The following GNG7 variants were observed in gnomAD, a reference collection of about 807,000 sequenced individuals.
The protein encoded by GNG7 is guanine nucleotide-binding protein G(I)/G(S)/G(O) subunit gamma-7.
Under a neutral mutation model 4.0 loss-of-function variants are expected in GNG7, and 1 was observed. The observed-to-expected ratio is 0.25, with a 90% confidence interval of 0.09 to 1.18. The LOEUF (loss-of-function observed/expected upper bound fraction) is 1.18. GNG7 is among the 50% of genes most tolerant of loss of function. The pLI, the probability that GNG7 is intolerant of heterozygous loss-of-function variation, is 0.50. For missense variants in GNG7, 86 were observed against 91.9 expected, an observed-to-expected ratio of 0.94 and a Z score of 0.26; for synonymous variants, 34 against 36.9, an observed-to-expected ratio of 0.92 and a Z score of 0.29.
At chr19:2,598,594 T>C (rs1380822151) in intron 2 of GNG7, among the ~76,000 whole-genome samples, 1 of 151,458 alleles carries the variant, frequency 6.6e-6, no homozygotes, top group South Asian at 2.1e-4. Context: ...GAGGCAGAGC[T>C]TGCAGTGAGC....
chr19:2,532,530 GGAGA>G (rs929456912), intron 3 of GNG7, among the ~76,000 whole-genome samples: 25 of 152,148 alleles, frequency 1.6e-4, no homozygotes, highest in African/African-American at 6.0e-4. Flanking sequence ...ACCAGAAGGA[GGAGA>G]GAGAGAATGA....
At chr19:2,516,268 T>C (rs1395100433) in intron 4 of GNG7, among the ~76,000 whole-genome samples, 1 of 151,980 alleles carries the variant, frequency 6.6e-6, no homozygotes, top group Non-Finnish European at 1.5e-5. Context: ...TTTCCCAAAA[T>C]TAAAAAAAGA....
intron 2 of GNG7, among the ~76,000 whole-genome samples, chr19:2,578,947 G>T (rs1980420759): frequency 6.6e-6 from 1 of 152,268 alleles, no homozygotes; most frequent in Non-Finnish European, 1.5e-5. Context: ...CCCCGGCATG[G>T]AAAACCACCA....
intron 2 of GNG7, among the ~76,000 whole-genome samples, chr19:2,586,849 G>T (rs1042980878): frequency 1.4e-4 from 22 of 151,938 alleles, no homozygotes; most frequent in Non-Finnish European, 2.5e-4. Flanking sequence ...GCCGGGTGTG[G>T]TGTCACGTGC....
intron 2 of GNG7, among the ~76,000 whole-genome samples, chr19:2,637,217 C>CCA (rs386388382): frequency 8.6e-5 from 13 of 151,892 alleles, no homozygotes; most frequent in African/African-American, 2.4e-4. Context: ...CAGGCTCCCC[C>CCA]CGCCCCCGAG....
intron 1 of GNG7, 114 bp downstream of exon 1, chr19:2,702,532 A>T (rs922707638): frequency 7.2e-6 from 1 of 138,208 alleles, no homozygotes; most frequent in African/African-American, 2.7e-5. Flanking sequence ...CCCCCTCCTC[A>T]GCCGACTCCG....
intron 2 of GNG7, among the ~76,000 whole-genome samples, chr19:2,570,761 G>C (rs1267159885): frequency 6.6e-6 from 1 of 152,112 alleles, no homozygotes. Flanking sequence ...ATTCACACAA[G>C]GAAACAAAAC....
intron 2 of GNG7, among the ~76,000 whole-genome samples, chr19:2,619,656 G>C (rs964501433): frequency 3.9e-5 from 6 of 152,188 alleles, no homozygotes; most frequent in African/African-American, 1.4e-4. Context: ...TCTATGAAAG[G>C]AGCCAGAGAC....
Position 2,645,364 on chromosome 19 carries a change from G to A in GNG7, c.-78+860C>T, listed in dbSNP as rs913128473. 2.0e-5 allele frequency among the ~76,000 whole-genome samples: 3 copies of A among 151,022 alleles called. 1 individual carries two copies. Among genetic ancestry groups the A allele is most frequent in the South Asian group, 4.2e-4 (2 of 4,778 alleles). ...AGTGATTCTCGCACCTCAGCCTCCC[G>A]AGTAGCTTGGACTCTAGGCACCTGC... is the stretch of plus-strand genomic sequence containing the variant. On this transcript the variant is annotated intron_variant, in intron 2 of 4. Coordinates refer to ENST00000382159, the MANE Select transcript of GNG7 (RefSeq NM_052847.3).
rs938860681 is a variant in GNG7, at chr19:2,511,764, C to T, written c.*3258G>A. On this transcript the variant is annotated 3_prime_UTR_variant, in exon 5 of 5. Coordinates refer to ENST00000382159, the MANE Select transcript of GNG7 (RefSeq NM_052847.3). The surrounding 1 kb of genome is among the most constrained non-coding windows in gnomAD (Gnocchi z 6.3). Reference sequence around the variant, plus strand: ...GAAGGAGGGAAACAGGAGCACCTTCCGCCCTGGCCCAGCCGCCCCGTTTAT... The same window carrying T: ...GAAGGAGGGAAACAGGAGCACCTTCTGCCCTGGCCCAGCCGCCCCGTTTAT... The T allele has an allele frequency of 5.1e-5, 50 of 975,644 alleles. No homozygotes were observed. The African/African-American group carries it at 6.3e-4, about 12-fold the overall frequency. 60.4% of individuals were successfully genotyped at this position (975,644 alleles called of 1,614,324 possible). A position where few individuals can be genotyped will look rare whatever the true frequency, so the allele number is the denominator to read the frequency against.
At chr19:2,598,670 A>G (rs902268063) in intron 2 of GNG7, among the ~76,000 whole-genome samples, 4 of 124,298 alleles carry the variant, frequency 3.2e-5, no homozygotes, top group African/African-American at 1.3e-4. Context: ...AAAAATGAAA[A>G]GTAATAAAAT....
chr19:2,696,014 G>A (rs1258938391), intron 1 of GNG7, among the ~76,000 whole-genome samples: 1 of 151,822 alleles, frequency 6.6e-6, no homozygotes, highest in Non-Finnish European at 1.5e-5. Context: ...AAAATTATCT[G>A]GGTGTGGTGG....
chr19:2,574,552 G>T (rs1459735605), intron 2 of GNG7, among the ~76,000 whole-genome samples: 1 of 152,206 alleles, frequency 6.6e-6, no homozygotes, highest in East Asian at 1.9e-4. Flanking sequence ...TGTAGCCCGT[G>T]TCTGGATTCC....
chr19:2,640,046 AAAG>A (rs1487111541), intron 2 of GNG7, among the ~76,000 whole-genome samples: 2 of 77,140 alleles, frequency 2.6e-5, no homozygotes, highest in Non-Finnish European at 5.3e-5. Flanking sequence ...GGGAAGGAAG[AAAG>A]GAAGGAAGGA....
At chr19:2,550,295 G>A (rs1979276007) in intron 3 of GNG7, among the ~76,000 whole-genome samples, 4 of 152,202 alleles carry the variant, frequency 2.6e-5, no homozygotes. Flanking sequence ...TCGGCTCACT[G>A]CAACCTCCGC....
intron 2 of GNG7, among the ~76,000 whole-genome samples, chr19:2,604,071 C>T (rs542344518): frequency 2.6e-5 from 4 of 151,994 alleles, no homozygotes; most frequent in Admixed American, 6.6e-5. Context: ...AGGATGGTAT[C>T]GATCTCTTGA....
intron 3 of GNG7, among the ~76,000 whole-genome samples, chr19:2,525,274 C>T (rs1459820646): frequency 1.3e-5 from 2 of 152,186 alleles, no homozygotes; most frequent in Non-Finnish European, 2.9e-5. Flanking sequence ...ACAGTCCCCA[C>T]GGCTCCCTCC....
At position 2,557,076 on chromosome 19, in the gene GNG7, C is replaced by T. The variant is rs1047056765; in HGVS notation, c.-77-1888G>A. Among the ~76,000 whole-genome samples, 2 of 151,602 alleles carry T rather than the reference C, an allele frequency of 1.3e-5. No individual in the cohort carries two copies. Among genetic ancestry groups the T allele is most frequent in the Admixed American group, 6.6e-5 (1 of 15,240 alleles). ...ACACATATGCACGCACACAGACACA[C>T]GCACACACGTGCACACAGGAATACT... On this transcript the variant is annotated intron_variant, in intron 2 of 4. Transcript: ENST00000382159. This position sits in a 1 kb window ranked among gnomAD's most constrained non-coding sequence, Gnocchi z 5.1.
At chr19:2,657,102 G>A (rs1054203464) in intron 1 of GNG7, among the ~76,000 whole-genome samples, 1 of 151,630 alleles carries the variant, frequency 6.6e-6, no homozygotes, top group South Asian at 2.1e-4. Context: ...GGGAGGTCTA[G>A]GAGGACAGAT....
Sources: gnomAD v4.1 joint callset for allele counts (sites outside exome capture counted in the v4.1 genomes callset) on GRCh38, gnomAD v4.1.1 for gene constraint, Gnocchi (gnomAD v3.1) non-coding constraint, MANE v1.5 for transcripts, NCBI Gene and HGNC (gene_info 2026-07-23, HGNC 2026-07-21) for gene names.